The following NRDC variants were observed in gnomAD, a reference collection of about 807,000 sequenced individuals.
The protein encoded by NRDC is nardilysin convertase, also known as nardilysin.
In NRDC, 54 loss-of-function variants were observed where a neutral mutation model predicts 147.1. That is an observed-to-expected ratio of 0.37 (90% CI 0.29 to 0.46). The LOEUF is 0.46. Ranked by LOEUF, NRDC falls within the 20% of genes least tolerant of loss-of-function variation. The pLI is 1.00. For missense variants in NRDC, 1,082 were observed against 1,370.6 expected (o/e 0.79, Z 3.33); for synonymous variants, 440 against 482.1 (o/e 0.91, Z 1.14).
intron 2 of NRDC, chr1:51,836,529 T>G (rs75019987): frequency 3.1e-5 from 36 of 1,149,176 alleles, no homozygotes; most frequent in Non-Finnish European, 4.0e-5. Flanking sequence ...ATTTCATAAT[T>G]CTGAACCAAG....
intron 19 of NRDC, 77 bp downstream of exon 19, chr1:51,805,431 CAG>C: frequency 9.0e-7 from 1 of 1,105,784 alleles, no homozygotes; most frequent in Non-Finnish European, 1.3e-6. Flanking sequence ...GAGAAAATGA[CAG>C]AATGATTTAG....
intron 29 of NRDC, among the ~76,000 whole-genome samples, chr1:51,789,989 C>T (rs1571830521): frequency 1.3e-5 from 2 of 152,298 alleles, no homozygotes; most frequent in East Asian, 3.9e-4. Context: ...AGGAAATCTA[C>T]CTTGCTTCTA....
chr1:51,794,668 T>C, intron 23 of NRDC, 58 bp from the exon 24 acceptor site: 1 of 1,600,400 alleles, frequency 6.2e-7, no homozygotes, highest in South Asian at 1.1e-5. Flanking sequence ...AAGCTAGGCC[T>C]TCTAACTTTT....
chr1:51,838,702 A>G (rs1477532505), intron 2 of NRDC, among the ~76,000 whole-genome samples: 1 of 152,098 alleles, frequency 6.6e-6, no homozygotes, highest in African/African-American at 2.4e-5. Flanking sequence ...CAGAAGTAGA[A>G]CCCAGGTTTC....
intron 1 of NRDC, among the ~76,000 whole-genome samples, chr1:51,871,872 G>GT (rs1452727474): frequency 4.6e-5 from 7 of 152,126 alleles, no homozygotes; most frequent in Admixed American, 2.0e-4. Flanking sequence ...GTTTTTGTTT[G>GT]TTTTTTGGTT....
intron 1 of NRDC, among the ~76,000 whole-genome samples, chr1:51,858,456 G>T (rs904061158): frequency 6.1e-5 from 9 of 148,408 alleles, no homozygotes; most frequent in African/African-American, 2.0e-4. Flanking sequence ...ATTACACAGA[G>T]GGAAACCCTG....
At chr1:51,823,963 A>G (rs182524604) in intron 6 of NRDC, among the ~76,000 whole-genome samples, 177 bp from the exon 7 acceptor site, 1 of 152,242 alleles carries the variant, frequency 6.6e-6, no homozygotes, top group East Asian at 1.9e-4. Context: ...AATGCATAAG[A>G]AACAATTCTG....
At chr1:51,846,265 A>C (rs992277842) in intron 1 of NRDC, among the ~76,000 whole-genome samples, 1 of 151,936 alleles carries the variant, frequency 6.6e-6, no homozygotes, top group Non-Finnish European at 1.5e-5. Context: ...GGCGTGCACC[A>C]CCGCACCTGG....
Position 51,798,230 on chromosome 1 carries a change from C to CA in NRDC, c.2604+18dup. 1 of 1,613,150 alleles carries CA rather than the reference C, an allele frequency of 6.2e-7. No homozygotes were observed. Among genetic ancestry groups the CA allele is most frequent in the African/African-American group, 1.3e-5 (1 of 75,034 alleles). On this transcript the variant is annotated intron_variant, in intron 22 of 30. Transcript: ENST00000352171. Reference sequence around the variant, plus strand: ...CACAACTGCATTCAGACCTGGCCTACAGAGCATCTCACACTCACTGTGCTT... The same window carrying CA: ...CACAACTGCATTCAGACCTGGCCTACAAGAGCATCTCACACTCACTGTGCTT...
At chr1:51,820,767 G>T (rs1680174839) in intron 8 of NRDC, among the ~76,000 whole-genome samples, 1 of 152,000 alleles carries the variant, frequency 6.6e-6, no homozygotes, top group Admixed American at 6.6e-5. Flanking sequence ...AAATCCACAG[G>T]TTACCCATCT....
chr1:51,858,810 G>A (rs1434229229), intron 1 of NRDC, among the ~76,000 whole-genome samples: 1 of 152,232 alleles, frequency 6.6e-6, no homozygotes, highest in East Asian at 1.9e-4. Context: ...CATTTAACTG[G>A]CTATCCTGAA....
intron 28 of NRDC, 100 bp downstream of exon 28, chr1:51,790,800 G>A (rs2149182811): frequency 2.9e-6 from 3 of 1,023,356 alleles, no homozygotes; most frequent in Non-Finnish European, 4.5e-6. Flanking sequence ...GAGGAAGGTG[G>A]GGCTGCAAAG....
chr1:51,858,462 C>A (rs1476029282), intron 1 of NRDC, among the ~76,000 whole-genome samples: 17 of 146,402 alleles, frequency 1.2e-4, no homozygotes, highest in African/African-American at 3.5e-4. Flanking sequence ...CAGAGGGAAA[C>A]CCTGTCTTTA....
intron 7 of NRDC, among the ~76,000 whole-genome samples, chr1:51,823,268 T>A (rs1236634435): frequency 6.6e-6 from 1 of 152,220 alleles, no homozygotes; most frequent in East Asian, 1.9e-4. Flanking sequence ...GGACCTTATG[T>A]AAGAATGAAC....
intron 2 of NRDC, among the ~76,000 whole-genome samples, chr1:51,836,913 G>A (rs1376785908): frequency 6.7e-6 from 1 of 149,666 alleles, no homozygotes; most frequent in Non-Finnish European, 1.5e-5. Context: ...TGGCCAAGAG[G>A]TACACCAAAC....
At chr1:51,869,919 A>T (rs190925296) in intron 1 of NRDC, among the ~76,000 whole-genome samples, 432 of 152,254 alleles carry the variant, frequency 2.8e-3, no homozygotes, top group African/African-American at 7.8e-3. Context: ...ACTTAAAAAA[A>T]TTTTTTTAAG....
intron 1 of NRDC, among the ~76,000 whole-genome samples, chr1:51,843,405 G>A (rs1020469263): frequency 1.3e-4 from 19 of 151,316 alleles, no homozygotes; most frequent in Non-Finnish European, 1.9e-4. Context: ...GTCTGGATAC[G>A]ACACCAAAGG....
chr1:51,856,038 T>G (rs1682225123), intron 1 of NRDC, among the ~76,000 whole-genome samples: 1 of 152,158 alleles, frequency 6.6e-6, no homozygotes, highest in African/African-American at 2.4e-5. Context: ...ACAATTGCTA[T>G]CCAGTGCTGA....
rs1571878964 is a variant in NRDC at position 51,832,197 on chromosome 1, C to T, written c.866+1820G>A. On this transcript the variant is annotated intron_variant, in intron 4 of 30. Coordinates refer to ENST00000352171, the MANE Select transcript of NRDC (RefSeq NM_001101662.2). ...AAGTAGCTGAAATTACACGCACATG[C>T]TACCAAGCCCAGCTAATTTTTGTGT... Among the ~76,000 whole-genome samples, 3 of 152,076 alleles carry T rather than the reference C, an allele frequency of 2.0e-5. 1 individual carries two copies. Among genetic ancestry groups the T allele is most frequent in the Admixed American group, 2.0e-4 (3 of 15,272 alleles).
Sources: allele counts gnomAD v4.1 joint callset (sites outside exome capture counted in the v4.1 genomes callset), GRCh38; gene constraint gnomAD v4.1.1; transcripts MANE v1.5; gene names NCBI Gene and HGNC (gene_info 2026-07-23, HGNC 2026-07-21).